The following EGFLAM variants were observed in gnomAD, a reference collection of about 807,000 sequenced individuals.
The protein encoded by EGFLAM is pikachurin.
A neutral mutation model predicts 113.1 loss-of-function variants in EGFLAM; 79 were observed. That is an observed-to-expected ratio of 0.70 (90% confidence interval 0.58 to 0.84). The LOEUF (loss-of-function observed/expected upper bound fraction) is 0.84, where lower values mean the gene tolerates loss of function less well. Among genes scored for constraint, EGFLAM ranks in the 40% least tolerant of loss-of-function variants. EGFLAM has a pLI of 0.00. For synonymous variants in EGFLAM, 504 were observed against 487.6 expected, an observed-to-expected ratio of 1.03 and a Z score of -0.44; for missense variants, 1,265 against 1,291.6, an observed-to-expected ratio of 0.98 and a Z score of 0.32.
rs774783843 is a variant in EGFLAM at position 38,350,599 on chromosome 5, T to A, written c.390T>A (p.His130Gln). ...AAGGGCGGCTGAGCTCTCCTCGGCA[T>A]GTCACCACTTTGTCCCAAGGTAAAG... ...AGKGRLSSPR[H>Q]VTTLSQDSCL... Residue 130 changes from histidine (H) to glutamine (Q), a missense_variant, in exon 4 of 22, where the codon CAT becomes CAA. By Grantham distance (24) the His-to-Gln change is conservative. Transcript: ENST00000322350. 6 of 1,613,890 alleles carry A rather than the reference T, an allele frequency of 3.7e-6. No individual in the cohort carries two copies. Among genetic ancestry groups the A allele is most frequent in the Non-Finnish European group, 3.4e-6 (4 of 1,179,938 alleles).
rs144825894 is a variant in EGFLAM, at chr5:38,460,820, G to C, written c.2772-2088G>C. 7 of 152,358 alleles carry C rather than the reference G, an allele frequency of 4.6e-5. No homozygotes were observed. In the East Asian group the frequency reaches 7.7e-4, roughly 17 times the overall value. The allele number at this position is 152,358 out of a possible 1,614,324, so 9.4% of individuals were successfully genotyped here. On this transcript the variant is annotated intron_variant, in intron 20 of 21. Coordinates refer to ENST00000322350, the MANE Select transcript of EGFLAM (RefSeq NM_152403.4). ...TTCTCTGTAGCAGGCTCCAGGGTTA[G>C]AGATAGGAGTGTCAATGAAAAGGAG...
chr5:38,265,396 C>T (rs1282572793), intron 1 of EGFLAM, among the ~76,000 whole-genome samples: 4 of 152,226 alleles, frequency 2.6e-5, no homozygotes, highest in Non-Finnish European at 5.9e-5. Context: ...TGTTTCCCAG[C>T]TGACTGAATG....
At chr5:38,412,760 T>C (rs1036223803) in intron 11 of EGFLAM, 112 bp downstream of exon 11, 3 of 1,452,908 alleles carry the variant, frequency 2.1e-6, no homozygotes, top group Non-Finnish European at 1.8e-6. Flanking sequence ...AAGTTCTGGA[T>C]GGGCTTGGTA....
intron 6 of EGFLAM, among the ~76,000 whole-genome samples, chr5:38,380,250 G>A (rs6876747): frequency 0.011 from 1,685 of 152,296 alleles, 37 homozygotes; most frequent in African/African-American, 0.039. Flanking sequence ...AATTTGTCAG[G>A]AAATTTGGTA....
At chr5:38,323,111 A>G (rs955381228) in intron 1 of EGFLAM, among the ~76,000 whole-genome samples, 1 of 152,214 alleles carries the variant, frequency 6.6e-6, no homozygotes, top group African/African-American at 2.4e-5. Context: ...GGCATTCTCT[A>G]TTGCATCAGT....
At chr5:38,354,164 A>G (rs1330817356) in intron 5 of EGFLAM, among the ~76,000 whole-genome samples, 1 of 152,140 alleles carries the variant, frequency 6.6e-6, no homozygotes, top group Non-Finnish European at 1.5e-5. Context: ...TATAATGCCC[A>G]CTGCAAAGCC....
chr5:38,273,188 T>C (rs906666007), intron 1 of EGFLAM, among the ~76,000 whole-genome samples: 3 of 151,990 alleles, frequency 2.0e-5, no homozygotes, highest in African/African-American at 7.3e-5. Flanking sequence ...CACCATACAC[T>C]TGAGGGAAAG....
intron 17 of EGFLAM, chr5:38,445,467 G>A: frequency 7.0e-7 from 1 of 1,419,094 alleles, no homozygotes; most frequent in Non-Finnish European, 9.2e-7. Flanking sequence ...GAGGCGGGTG[G>A]CTGGGTGCCA....
intron 1 of EGFLAM, among the ~76,000 whole-genome samples, chr5:38,335,045 A>G (rs1164129786): frequency 5.3e-5 from 8 of 152,126 alleles, no homozygotes; most frequent in Admixed American, 5.2e-4. Context: ...CCCCACAAAA[A>G]CTAGGCAGCC....
chr5:38,315,195 T>C (rs1426020329), intron 1 of EGFLAM, among the ~76,000 whole-genome samples: 2 of 152,216 alleles, frequency 1.3e-5, no homozygotes, highest in African/African-American at 4.8e-5. Flanking sequence ...ACTTTGCATA[T>C]CTCAAATCTC....
chr5:38,349,394 G>T (rs537916676), intron 3 of EGFLAM, among the ~76,000 whole-genome samples: 1 of 152,266 alleles, frequency 6.6e-6, no homozygotes, highest in African/African-American at 2.4e-5. Flanking sequence ...ACAATATCAT[G>T]ACCACTCATT....
chr5:38,435,015 C>CA (rs1419497230), intron 15 of EGFLAM, 122 bp from the exon 16 acceptor site: 6 of 733,344 alleles, frequency 8.2e-6, no homozygotes, highest in African/African-American at 1.7e-5. Context: ...GACAGATTGT[C>CA]ATGATGGGTC....
intron 1 of EGFLAM, among the ~76,000 whole-genome samples, chr5:38,317,730 C>G (rs1431368955): frequency 1.3e-5 from 2 of 152,178 alleles, no homozygotes; most frequent in East Asian, 3.8e-4. Context: ...AATTATTAAA[C>G]CCCATCTTCT....
At chr5:38,332,949 A>C (rs897517527) in intron 1 of EGFLAM, among the ~76,000 whole-genome samples, 1 of 152,222 alleles carries the variant, frequency 6.6e-6, no homozygotes, top group Non-Finnish European at 1.5e-5. Flanking sequence ...GTTTATGGCC[A>C]GATTTGGAGG....
At chr5:38,456,949 A>G (rs1743106582) in intron 19 of EGFLAM, among the ~76,000 whole-genome samples, 2 of 152,210 alleles carry the variant, frequency 1.3e-5, no homozygotes, top group African/African-American at 2.4e-5. Flanking sequence ...CACTCACTAA[A>G]TATTTGTCGA....
chr5:38,370,485 G>A (rs780808759), intron 6 of EGFLAM, 23 bp downstream of exon 6: 42 of 1,606,386 alleles, frequency 2.6e-5, no homozygotes, highest in Non-Finnish European at 3.4e-5. Context: ...GTCCTTCTGA[G>A]GGACCAAGGG....
intron 1 of EGFLAM, among the ~76,000 whole-genome samples, chr5:38,304,127 TA>T (rs10718399): frequency 0.53 from 75,284 of 142,668 alleles, 20,596 homozygotes; most frequent in African/African-American, 0.73. Flanking sequence ...AAAACTCCAT[TA>T]AAAAAAAAAA....
intron 1 of EGFLAM, among the ~76,000 whole-genome samples, chr5:38,333,360 C>T (rs1739099359): frequency 6.6e-6 from 1 of 152,196 alleles, no homozygotes; most frequent in African/African-American, 2.4e-5. Context: ...GCTTTTAGCT[C>T]TTCGAGGAAT....
intron 1 of EGFLAM, among the ~76,000 whole-genome samples, chr5:38,269,529 G>A (rs1757716102): frequency 7.1e-6 from 1 of 141,270 alleles, no homozygotes; most frequent in Admixed American, 7.5e-5. Context: ...TTGCTCTGTT[G>A]CCCAGGCTGG....
Sources: gnomAD v4.1 joint callset for allele counts (sites outside exome capture counted in the v4.1 genomes callset) on GRCh38, gnomAD v4.1.1 for gene constraint, MANE v1.5 for transcripts, NCBI Gene and HGNC (gene_info 2026-07-23, HGNC 2026-07-21) for gene names.